Variants in RPS6KC1 observed in about 807,000 individuals in gnomAD.
RPS6KC1 encodes inactive ribosomal protein S6 kinase delta-1.
Under a neutral mutation model 103.8 loss-of-function variants are expected in RPS6KC1, and 54 were observed. The observed-to-expected ratio is 0.52, with a 90% CI of 0.42 to 0.65. The LOEUF is 0.65. Among genes scored for constraint, RPS6KC1 ranks in the 30% least tolerant of loss-of-function variants. The pLI, the probability that RPS6KC1 is intolerant of heterozygous loss-of-function variation, is 0.00. For synonymous variants in RPS6KC1, 439 were observed against 438.7 expected (o/e 1.00, Z -0.01); for missense variants, 1,151 against 1,253.8 (o/e 0.92, Z 1.24).
chr1:213,647,256 T>A, the RPS6KC1 span, among the ~76,000 whole-genome samples: 1 of 152,262 alleles, frequency 6.6e-6, no homozygotes, highest in East Asian at 1.9e-4. Context: ...AGGTTGACTT[T>A]ACTTACTTAT....
At chr1:213,703,852 A>G in the RPS6KC1 span, among the ~76,000 whole-genome samples, 1 of 151,866 alleles carries the variant, frequency 6.6e-6, no homozygotes, top group African/African-American at 2.4e-5. Context: ...TTGTACTTGG[A>G]TATTGATATC....
the RPS6KC1 span, among the ~76,000 whole-genome samples, chr1:213,715,065 G>C: frequency 6.6e-6 from 1 of 152,180 alleles, no homozygotes; most frequent in Non-Finnish European, 1.5e-5. Context: ...GAGAAGCAAA[G>C]AGCCAGAGCT....
At chr1:213,792,343 AT>A in the RPS6KC1 span, among the ~76,000 whole-genome samples, 5 of 152,144 alleles carry the variant, frequency 3.3e-5, no homozygotes, top group African/African-American at 4.8e-5. Context: ...CCTTCTCTCT[AT>A]TCCTTCTCTT....
At chr1:213,271,581 C>T (rs2095048070) in intron 14 of RPS6KC1, among the ~76,000 whole-genome samples, 2 of 151,888 alleles carry the variant, frequency 1.3e-5, no homozygotes, top group African/African-American at 4.8e-5. Context: ...CTGGCTAACA[C>T]GGTGAAACCC....
At chr1:213,295,579 T>G in the RPS6KC1 span, among the ~76,000 whole-genome samples, 1 of 152,224 alleles carries the variant, frequency 6.6e-6, no homozygotes, top group South Asian at 2.1e-4. Flanking sequence ...GAATATATGT[T>G]CCAAAGACAA....
chr1:213,303,623 T>C, the RPS6KC1 span, among the ~76,000 whole-genome samples: 1 of 152,076 alleles, frequency 6.6e-6, no homozygotes, highest in Non-Finnish European at 1.5e-5. Context: ...GTGTAGGACT[T>C]ACCCAAACCC....
the RPS6KC1 span, among the ~76,000 whole-genome samples, chr1:213,644,494 T>C: frequency 6.6e-6 from 1 of 152,174 alleles, no homozygotes; most frequent in South Asian, 2.1e-4. Flanking sequence ...GTAGTTTCAC[T>C]GCCCTAAAAA....
the RPS6KC1 span, among the ~76,000 whole-genome samples, chr1:213,406,050 G>T: frequency 3.9e-5 from 6 of 152,216 alleles, no homozygotes; most frequent in Non-Finnish European, 8.8e-5. Flanking sequence ...GCCCTCTGGG[G>T]TTGCAGCACA....
At chr1:213,363,684 T>TTC in the RPS6KC1 span, among the ~76,000 whole-genome samples, 1 of 104,748 alleles carries the variant, frequency 9.5e-6, no homozygotes, top group African/African-American at 5.2e-5. Context: ...CTTTCTTTCT[T>TTC]TCTTTCTTTC....
the RPS6KC1 span, among the ~76,000 whole-genome samples, chr1:213,659,993 G>A: frequency 2.3e-4 from 35 of 152,284 alleles, no homozygotes; most frequent in African/African-American, 8.2e-4. Context: ...TTTCACATGG[G>A]AAATTCACTT....
In RPS6KC1 at chr1:213,071,059, AT is replaced by A. The variant is rs769282590; in HGVS notation, c.141+22del. The stretch of plus-strand genomic sequence containing the variant: ...TCCAGGAGGTAACATTTATATGAAG[AT>A]TTTATTTTATGTATTTGATAAAAAT... On this transcript the variant is annotated intron_variant, in intron 2 of 14. Coordinates refer to ENST00000366960, the MANE Select transcript of RPS6KC1 (RefSeq NM_012424.6). The A allele has an allele frequency of 1.4e-6, 2 of 1,455,346 alleles. No individual in the cohort carries two copies. The highest frequency in any genetic ancestry group is 2.4e-5 in the East Asian group (1 of 41,878). 90.2% of individuals were successfully genotyped at this position (1,455,346 alleles called of 1,614,324 possible).
chr1:213,112,543 C>CT (rs570534857), intron 4 of RPS6KC1, among the ~76,000 whole-genome samples: 5 of 150,336 alleles, frequency 3.3e-5, no homozygotes, highest in South Asian at 2.1e-4. Flanking sequence ...GGTTCTCAAA[C>CT]TTTTTTTTTA....
chr1:213,484,954 C>T, the RPS6KC1 span, among the ~76,000 whole-genome samples: 5 of 152,242 alleles, frequency 3.3e-5, no homozygotes, highest in South Asian at 2.1e-4. Flanking sequence ...CCTCCACTTC[C>T]TAGGCTTAAG....
the RPS6KC1 span, among the ~76,000 whole-genome samples, chr1:213,537,035 G>T: frequency 6.6e-6 from 1 of 152,186 alleles, no homozygotes; most frequent in Non-Finnish European, 1.5e-5. Flanking sequence ...AGTGGCAGTG[G>T]ACTGGACAGA....
the RPS6KC1 span, among the ~76,000 whole-genome samples, chr1:213,587,414 G>C: frequency 6.6e-6 from 1 of 152,174 alleles, no homozygotes. Context: ...TGGAGATGGA[G>C]TGGGGCAAGA....
the RPS6KC1 span, among the ~76,000 whole-genome samples, chr1:213,790,367 T>A: frequency 5.3e-5 from 8 of 152,174 alleles, no homozygotes; most frequent in Non-Finnish European, 1.0e-4. Flanking sequence ...TTTCTCTTTA[T>A]CATCATTGGT....
chr1:213,510,223 C>G, the RPS6KC1 span, among the ~76,000 whole-genome samples: 11 of 152,288 alleles, frequency 7.2e-5, no homozygotes, highest in East Asian at 2.1e-3. Context: ...CTGTGCCTGT[C>G]CTTAAATAAG....
chr1:213,746,801 T>A, the RPS6KC1 span, among the ~76,000 whole-genome samples: 2 of 151,940 alleles, frequency 1.3e-5, no homozygotes, highest in African/African-American at 4.8e-5. Flanking sequence ...TTGTGATGGG[T>A]TGGTAGTAGG....
chr1:213,468,982 A>T, the RPS6KC1 span, among the ~76,000 whole-genome samples: 1 of 152,050 alleles, frequency 6.6e-6, no homozygotes, highest in Non-Finnish European at 1.5e-5. Flanking sequence ...CAGCTTACTT[A>T]GCGACACCTC....
Sources: allele counts gnomAD v4.1 joint callset (sites outside exome capture counted in the v4.1 genomes callset), GRCh38; gene constraint gnomAD v4.1.1; transcripts MANE v1.5; gene names NCBI Gene and HGNC (gene_info 2026-07-23, HGNC 2026-07-21).